DACH1: variants seen among roughly 807,000 people sequenced by gnomAD.
DACH1 encodes dachshund family transcription factor 1.
DACH1 carries 12 observed loss-of-function variants against 54.2 expected under a neutral mutation model. The observed-to-expected ratio is 0.22, with a 90% CI of 0.14 to 0.36. The LOEUF (loss-of-function observed/expected upper bound fraction) is 0.36. DACH1 is among the 10% of genes least tolerant of loss of function. The pLI is 1.00. For synonymous variants in DACH1, 386 were observed against 366.2 expected, an observed-to-expected ratio of 1.05 and a Z score of -0.62; for missense variants, 805 against 929.8, an observed-to-expected ratio of 0.87 and a Z score of 1.75.
chr13:71,678,714 T>C (rs1880717356), intron 2 of DACH1, among the ~76,000 whole-genome samples: 1 of 151,896 alleles, frequency 6.6e-6, no homozygotes, highest in Admixed American at 6.6e-5. Flanking sequence ...TTGAATGCAG[T>C]GGTACAATCA....
chr13:71,662,720 C>T (rs574917136), intron 2 of DACH1, among the ~76,000 whole-genome samples: 3 of 151,842 alleles, frequency 2.0e-5, no homozygotes, highest in Non-Finnish European at 2.9e-5. Context: ...ATATTGCTAT[C>T]GGATTTAATT....
At chr13:71,822,937 T>C (rs538856925) in intron 1 of DACH1, among the ~76,000 whole-genome samples, 1 of 152,186 alleles carries the variant, frequency 6.6e-6, no homozygotes, top group African/African-American at 2.4e-5. Context: ...GAAAAATGTA[T>C]TTACATAGAT....
intron 7 of DACH1, among the ~76,000 whole-genome samples, chr13:71,484,691 A>C (rs1878330911): frequency 1.3e-5 from 2 of 152,156 alleles, no homozygotes; most frequent in African/African-American, 2.4e-5. Context: ...TTTGTAAGCC[A>C]CTTTTTAAAG....
chr13:71,559,745 G>C, intron 5 of DACH1, 75 bp downstream of exon 5: 2 of 1,565,858 alleles, frequency 1.3e-6, no homozygotes, highest in South Asian at 1.1e-5. Context: ...TTTGGAATGA[G>C]GGCATGTTGA....
chr13:71,506,080 A>G (rs915792948), intron 6 of DACH1, among the ~76,000 whole-genome samples: 1 of 152,134 alleles, frequency 6.6e-6, no homozygotes, highest in African/African-American at 2.4e-5. Context: ...AAAATGAAAT[A>G]AATAAAAATA....
At chr13:71,712,890 T>C (rs1241732601) in intron 1 of DACH1, among the ~76,000 whole-genome samples, 1 of 152,150 alleles carries the variant, frequency 6.6e-6, no homozygotes, top group African/African-American at 2.4e-5. Flanking sequence ...CTTATAGCAA[T>C]GACTCTAGCA....
Position 71,475,132 on chromosome 13 carries a change from A to G in DACH1, c.2083+9T>C, listed in dbSNP as rs1877399866. The G allele has an allele frequency of 1.9e-6, 3 of 1,613,446 alleles. No homozygotes were observed. Among genetic ancestry groups the G allele is most frequent in the Non-Finnish European group, 2.5e-6 (3 of 1,179,410 alleles). ...AGATCTAGATTTATAGCCTTCTGCA[A>G]ATTCCTACCTTGTATTGTCCTTTCA... On this transcript the variant is annotated intron_variant, in intron 10 of 10. Coordinates refer to ENST00000613252, the MANE Select transcript of DACH1 (RefSeq NM_080759.6).
intron 2 of DACH1, among the ~76,000 whole-genome samples, chr13:71,631,919 T>A (rs1877132433): frequency 6.6e-6 from 1 of 151,944 alleles, no homozygotes; most frequent in South Asian, 2.1e-4. Flanking sequence ...GGCAACAGGA[T>A]AAAACCCCCT....
rs1240122886 is a variant in DACH1 at position 71,505,502 on chromosome 13, GTGTT to G, written c.1571-16358_1571-16355del. ...AGTAAAGCAGATTCTGTGTGTGTGT[GTGTT>G]TGTGTGTGTATACCTAAATGATTGC... On this transcript the variant is annotated intron_variant, in intron 6 of 10. Coordinates refer to ENST00000613252, the MANE Select transcript of DACH1 (RefSeq NM_080759.6). Among the ~76,000 whole-genome samples, 31 of 152,266 alleles carry G rather than the reference GTGTT, an allele frequency of 2.0e-4. 1 individual carries two copies. The highest frequency in any genetic ancestry group is 5.2e-4 in the Admixed American group (8 of 15,280).
intron 1 of DACH1, among the ~76,000 whole-genome samples, chr13:71,829,049 G>A (rs190628729): frequency 1.8e-4 from 28 of 151,934 alleles, no homozygotes; most frequent in Non-Finnish European, 3.8e-4. Context: ...ATGTACTAAC[G>A]TAAGAAAGTT....
chr13:71,540,903 TTATC>T, intron 6 of DACH1, among the ~76,000 whole-genome samples: 1 of 152,132 alleles, frequency 6.6e-6, no homozygotes, highest in East Asian at 1.9e-4. Flanking sequence ...ATATGATTGT[TTATC>T]TATTAACCCA....
chr13:71,724,488 A>C (rs1382073741), intron 1 of DACH1, among the ~76,000 whole-genome samples: 1 of 152,166 alleles, frequency 6.6e-6, no homozygotes. Context: ...AAATCCTGAG[A>C]TCATCAACAT....
At chr13:71,467,105 TA>T (rs56142439) in intron 10 of DACH1, among the ~76,000 whole-genome samples, 140,609 of 151,838 alleles carry the variant, frequency 0.93, 65,995 homozygotes, top group Non-Finnish European at 1. Context: ...GCTTCATACT[TA>T]AACAATGCCT....
intron 3 of DACH1, among the ~76,000 whole-genome samples, chr13:71,589,601 T>C (rs1419567278): frequency 6.6e-6 from 1 of 151,960 alleles, no homozygotes; most frequent in Non-Finnish European, 1.5e-5. Flanking sequence ...AATGTGAACA[T>C]GGTTACACAA....
At chr13:71,835,079 T>G (rs74438452) in intron 1 of DACH1, among the ~76,000 whole-genome samples, 1,985 of 152,106 alleles carry the variant, frequency 0.013, 28 homozygotes, top group Middle Eastern at 0.024. Flanking sequence ...CCACCAAAAT[T>G]CATTGTTCTT....
chr13:71,661,418 T>A (rs1368383278), intron 2 of DACH1, among the ~76,000 whole-genome samples: 1 of 151,866 alleles, frequency 6.6e-6, no homozygotes, highest in Non-Finnish European at 1.5e-5. Flanking sequence ...TATTACAACA[T>A]TTTCTATACA....
At position 71,866,323 on chromosome 13, in the gene DACH1, GCTGCTGCTGCTA is replaced by G. The variant is rs1245889278; in HGVS notation, c.435_446del (p.Ser160_Ser163del). 1.2e-5 allele frequency: 19 copies of G among 1,544,978 alleles called. No homozygotes were observed. The highest frequency in any genetic ancestry group is 1.4e-5 in the African/African-American group (1 of 72,896). ...TGCTGCTGCTACTACTGCTGCTGCT[GCTGCTGCTGCTA>G]CTGCTGCTGCTGCTGCTGCCGGTGC... On this transcript the variant is annotated inframe_deletion, in exon 1 of 11. Coordinates refer to ENST00000613252, the MANE Select transcript of DACH1 (RefSeq NM_080759.6).
At position 71,472,426 on chromosome 13, in the gene DACH1, G is replaced by C. The variant is rs555986277; in HGVS notation, c.2083+2715C>G. On this transcript the variant is annotated intron_variant, in intron 10 of 10. Transcript: ENST00000613252. ...GTGCATATTTAGGGGTAATTACTTA[G>C]CACTCAAGCAGTAAGTATTTAAGTG... 4.6e-5 allele frequency among the ~76,000 whole-genome samples: 7 copies of C among 152,196 alleles called. No homozygotes were observed. In the South Asian group the frequency reaches 1.5e-3, roughly 32 times the overall value.
intron 3 of DACH1, among the ~76,000 whole-genome samples, chr13:71,585,854 G>C (rs775121565): frequency 5.3e-5 from 8 of 152,026 alleles, no homozygotes; most frequent in Non-Finnish European, 8.8e-5. Flanking sequence ...GATATGACCA[G>C]GGCAGGATTC....
Sources: gnomAD v4.1 joint callset for allele counts (sites outside exome capture counted in the v4.1 genomes callset) on GRCh38, gnomAD v4.1.1 for gene constraint, MANE v1.5 for transcripts, NCBI Gene and HGNC (gene_info 2026-07-23, HGNC 2026-07-21) for gene names.